The following ERC2 variants were observed in gnomAD, a reference collection of about 807,000 sequenced individuals.
The protein encoded by ERC2 is ERC protein 2.
ERC2 carries 42 observed loss-of-function variants against 114.8 expected under a neutral mutation model. That is an observed-to-expected ratio of 0.37 (90% CI 0.29 to 0.47). The LOEUF (loss-of-function observed/expected upper bound fraction) is 0.47. Ranked by LOEUF, ERC2 falls within the 20% of genes least tolerant of loss-of-function variation. The pLI, the probability that ERC2 is intolerant of heterozygous loss-of-function variation, is 0.99. For missense variants in ERC2, 939 were observed against 1,150.7 expected, an observed-to-expected ratio of 0.82 and a Z score of 2.66; for synonymous variants, 454 against 425.5, an observed-to-expected ratio of 1.07 and a Z score of -0.82.
At chr3:56,107,148 T>C (rs13097320) in intron 6 of ERC2, among the ~76,000 whole-genome samples, 2,027 of 152,210 alleles carry the variant, frequency 0.013, 48 homozygotes, top group Non-Finnish European at 0.014. Context: ...GGCCAAGATA[T>C]TGAAGGGGGA....
At chr3:56,365,918 T>C (rs947814055) in intron 2 of ERC2, among the ~76,000 whole-genome samples, 1 of 152,306 alleles carries the variant, frequency 6.6e-6, no homozygotes, top group South Asian at 2.1e-4. Context: ...TTAGATTAGA[T>C]TGGAGTTCAT....
chr3:55,682,953 A>T (rs915317912), intron 17 of ERC2, among the ~76,000 whole-genome samples: 2 of 152,222 alleles, frequency 1.3e-5, no homozygotes, highest in African/African-American at 4.8e-5. Context: ...AAGTTGCTAG[A>T]CTTCAGTATT....
chr3:55,794,887 T>G (rs1458454399), intron 14 of ERC2, among the ~76,000 whole-genome samples: 1 of 152,196 alleles, frequency 6.6e-6, no homozygotes, highest in Non-Finnish European at 1.5e-5. Context: ...ACAGGATTCA[T>G]TTACATTACA....
At chr3:55,805,880 C>T (rs2059467906) in intron 14 of ERC2, among the ~76,000 whole-genome samples, 1 of 152,160 alleles carries the variant, frequency 6.6e-6, no homozygotes, top group Non-Finnish European at 1.5e-5. Context: ...CTACTCACGG[C>T]CACTTTTTGT....
intron 14 of ERC2, among the ~76,000 whole-genome samples, chr3:55,749,403 G>A (rs1316022580): frequency 6.6e-6 from 1 of 152,226 alleles, no homozygotes; most frequent in East Asian, 1.9e-4. Context: ...AAGGAAGAAT[G>A]GGGCTGGAGA....
At chr3:55,559,236 C>T (rs1227590887) in intron 17 of ERC2, among the ~76,000 whole-genome samples, 1 of 152,202 alleles carries the variant, frequency 6.6e-6, no homozygotes, top group Non-Finnish European at 1.5e-5. Flanking sequence ...CCACATTTTT[C>T]TCCTTCCAAG....
chr3:56,100,892 G>A (rs2078315311), intron 6 of ERC2, among the ~76,000 whole-genome samples: 1 of 152,074 alleles, frequency 6.6e-6, no homozygotes, highest in Non-Finnish European at 1.5e-5. Flanking sequence ...TTCAGAAGAC[G>A]GAATTACAAG....
intron 3 of ERC2, among the ~76,000 whole-genome samples, chr3:56,276,459 TAAAAAAAA>T (rs766683320): frequency 1.2e-5 from 1 of 82,916 alleles, no homozygotes; most frequent in African/African-American, 4.3e-5. Context: ...CAAACTCAGC[TAAAAAAAA>T]AAAAAAAAAA....
chr3:55,607,502 C>T (rs2058689580), intron 17 of ERC2, among the ~76,000 whole-genome samples: 1 of 152,128 alleles, frequency 6.6e-6, no homozygotes, highest in Admixed American at 6.6e-5. Context: ...GATTTGGAGT[C>T]TGCAGCCCTG....
chr3:56,108,189 C>A (rs1227478411), intron 6 of ERC2, among the ~76,000 whole-genome samples: 1 of 152,108 alleles, frequency 6.6e-6, no homozygotes, highest in Non-Finnish European at 1.5e-5. Flanking sequence ...TAAAATGCAA[C>A]TTTCATTCCT....
At chr3:56,362,669 A>G (rs2059003329) in intron 2 of ERC2, among the ~76,000 whole-genome samples, 1 of 152,172 alleles carries the variant, frequency 6.6e-6, no homozygotes, top group Non-Finnish European at 1.5e-5. Flanking sequence ...CTTGCCTCTT[A>G]TGAAAATACA....
At chr3:56,261,099 G>T (rs1213700325) in intron 3 of ERC2, among the ~76,000 whole-genome samples, 1 of 152,148 alleles carries the variant, frequency 6.6e-6, no homozygotes, top group Non-Finnish European at 1.5e-5. Flanking sequence ...GCTCTCTGCT[G>T]CCTCCAGCCT....
intron 15 of ERC2, among the ~76,000 whole-genome samples, chr3:55,706,038 G>A (rs936991613): frequency 2.6e-5 from 4 of 151,946 alleles, no homozygotes; most frequent in African/African-American, 7.3e-5. Flanking sequence ...GGCCACAGGT[G>A]CACACTTGGC....
intron 17 of ERC2, among the ~76,000 whole-genome samples, chr3:55,628,248 A>C (rs1392359604): frequency 1.6e-5 from 1 of 63,352 alleles, no homozygotes; most frequent in Non-Finnish European, 2.9e-5. Flanking sequence ...ACAGTGTATG[A>C]TATGAACAGA....
chr3:56,295,975 A>C, intron 3 of ERC2, 44 bp downstream of exon 3: 2 of 1,507,158 alleles, frequency 1.3e-6, no homozygotes, highest in Non-Finnish European at 1.8e-6. Context: ...ACATATTTTC[A>C]CTTATAAATT....
intron 3 of ERC2, among the ~76,000 whole-genome samples, chr3:56,203,968 T>G (rs1346555450): frequency 1.3e-5 from 2 of 151,722 alleles, no homozygotes; most frequent in Non-Finnish European, 2.9e-5. Context: ...AATCACGAGG[T>G]CAGGAGTTCA....
intron 2 of ERC2, among the ~76,000 whole-genome samples, chr3:56,368,863 C>A (rs951112683): frequency 5.9e-5 from 9 of 151,962 alleles, no homozygotes; most frequent in African/African-American, 1.7e-4. Context: ...TTGGAAGAGA[C>A]CTTATCCGGT....
chr3:56,249,057 A>C (rs1576073861), intron 3 of ERC2, among the ~76,000 whole-genome samples: 1 of 152,218 alleles, frequency 6.6e-6, no homozygotes, highest in African/African-American at 2.4e-5. Flanking sequence ...ACATGGCCAA[A>C]TGTATTTGAA....
chr3:55,971,826 T>C (rs941367138), intron 12 of ERC2, among the ~76,000 whole-genome samples: 1 of 152,214 alleles, frequency 6.6e-6, no homozygotes, highest in African/African-American at 2.4e-5. Context: ...CTCCTTCTTC[T>C]GTACCCTTTA....
Sources: allele counts gnomAD v4.1 joint callset (sites outside exome capture counted in the v4.1 genomes callset), GRCh38; gene constraint gnomAD v4.1.1; transcripts MANE v1.5; gene names NCBI Gene and HGNC (gene_info 2026-07-23, HGNC 2026-07-21).